The following CTBP2 variants were observed in gnomAD, a reference collection of about 807,000 sequenced individuals.
The protein encoded by CTBP2 is C-terminal binding protein 2.
CTBP2 carries 30 observed loss-of-function variants against 80.3 expected under a neutral mutation model. The ratio of observed to expected loss-of-function variants is 0.37; its 90% CI spans 0.28 to 0.51. The LOEUF is 0.51. CTBP2 is among the 20% of genes least tolerant of loss of function. The pLI is 0.93. For synonymous variants in CTBP2, 594 were observed against 587.4 expected (o/e 1.01, Z -0.16); for missense variants, 1,212 against 1,375.3 (o/e 0.88, Z 1.88).
chr10:125,059,556 A>G (rs1324360525), intron 2 of CTBP2, among the ~76,000 whole-genome samples: 1 of 152,188 alleles, frequency 6.6e-6, no homozygotes, highest in East Asian at 1.9e-4. Flanking sequence ...CACTCCAGCC[A>G]AAAGTGACAT....
At chr10:125,118,186 C>T (rs1853653989) in intron 1 of CTBP2, among the ~76,000 whole-genome samples, 1 of 150,926 alleles carries the variant, frequency 6.6e-6, no homozygotes, top group African/African-American at 2.5e-5. Context: ...TTAATGTGAC[C>T]ATTCCCCTGC....
intron 2 of CTBP2, among the ~76,000 whole-genome samples, chr10:125,107,140 C>T (rs146663862): frequency 6.6e-6 from 1 of 152,338 alleles, no homozygotes; most frequent in African/African-American, 2.4e-5. Flanking sequence ...AGAGCTTCAG[C>T]GGGGGCCCCT....
At chr10:125,150,518 G>A (rs911357292) in intron 1 of CTBP2, among the ~76,000 whole-genome samples, 1 of 152,090 alleles carries the variant, frequency 6.6e-6, no homozygotes, top group African/African-American at 2.4e-5. Flanking sequence ...CCAGTCAAAG[G>A]CCACAAGAAG....
intron 1 of CTBP2, among the ~76,000 whole-genome samples, chr10:125,157,363 C>T (rs1248312545): frequency 2.4e-5 from 3 of 122,974 alleles, no homozygotes; most frequent in Non-Finnish European, 4.7e-5. Flanking sequence ...TATTAAGGTA[C>T]AATTAGAGAG....
chr10:125,123,686 G>A (rs1854719648), intron 1 of CTBP2, among the ~76,000 whole-genome samples: 1 of 152,112 alleles, frequency 6.6e-6, no homozygotes, highest in South Asian at 2.1e-4. Context: ...GCTCCCCAGG[G>A]GCCCCGGGGT....
At chr10:125,053,613 T>C (rs761808693) in intron 2 of CTBP2, among the ~76,000 whole-genome samples, 24 of 152,190 alleles carry the variant, frequency 1.6e-4, no homozygotes, top group Non-Finnish European at 3.4e-4. Flanking sequence ...TAATAGGTTT[T>C]GGTTTTTGGA....
chr10:125,073,620 C>T (rs993060278), intron 2 of CTBP2, among the ~76,000 whole-genome samples: 17 of 152,312 alleles, frequency 1.1e-4, no homozygotes, highest in South Asian at 8.3e-4. Context: ...CCGATTTGTA[C>T]GTGGCAAACA....
intron 2 of CTBP2, among the ~76,000 whole-genome samples, chr10:125,051,262 C>T (rs1962680950): frequency 6.6e-6 from 1 of 152,134 alleles, no homozygotes; most frequent in South Asian, 2.1e-4. Context: ...CCCTGGAGGC[C>T]CACTCCTCAT....
intron 1 of CTBP2, among the ~76,000 whole-genome samples, chr10:125,129,279 A>T (rs1855764438): frequency 6.6e-6 from 1 of 152,048 alleles, no homozygotes; most frequent in East Asian, 1.9e-4. Flanking sequence ...TTCCGGAGTG[A>T]CTGTAGCTCT....
chr10:125,003,430 C>T lies in CTBP2; in HGVS notation c.1741G>A (p.Gly581Ser), dbSNP rs1954808445. The T allele has an allele frequency of 1.3e-6, 2 of 1,584,748 alleles. No homozygotes were observed. Among genetic ancestry groups the T allele is most frequent in the Non-Finnish European group, 1.7e-6 (2 of 1,170,618 alleles). ...GGCATCTCCACAGTGCAGTCGCGGC[C>T]GTCCAGCAGCGCCACCAGGGGGCGG... The change falls in exon 2 of 9, where the codon GGC (glycine) becomes AGC (serine). Residue 581 changes from glycine (G) to serine (S), a missense_variant. Around this residue, in one of 3 missense-constraint regions of CTBP2, gnomAD observed 29 missense variants for 88.3 expected, o/e 0.33. Coordinates refer to ENST00000309035, the MANE Select transcript of CTBP2 (RefSeq NM_022802.3).
chr10:125,045,084 T>C (rs1237657565), intron 2 of CTBP2, among the ~76,000 whole-genome samples: 2 of 152,208 alleles, frequency 1.3e-5, no homozygotes, highest in East Asian at 3.9e-4. Flanking sequence ...TGATTGTATC[T>C]GGGTGCTGGG....
chr10:125,118,946 C>A (rs1339880305), intron 1 of CTBP2, among the ~76,000 whole-genome samples: 1 of 152,214 alleles, frequency 6.6e-6, no homozygotes, highest in Non-Finnish European at 1.5e-5. Context: ...TGGTCAGGAA[C>A]CTGCCAGAAG....
intron 3 of CTBP2, 139 bp from the exon 6 acceptor site, chr10:124,998,309 C>G: frequency 1.1e-6 from 1 of 936,498 alleles, no homozygotes; most frequent in South Asian, 1.6e-5. Context: ...AGACGCGGGG[C>G]TGGGCACGTG....
At chr10:124,996,226 C>G (rs532127594) in intron 4 of CTBP2, 1 of 151,562 alleles carries the variant, frequency 6.6e-6, no homozygotes, top group East Asian at 1.9e-4. Flanking sequence ...ATTTTAAAAG[C>G]GCAGCTCCCA....
chr10:125,053,091 G>GAGA (rs548011187), intron 2 of CTBP2, among the ~76,000 whole-genome samples: 1 of 136,816 alleles, frequency 7.3e-6, no homozygotes, highest in Non-Finnish European at 1.6e-5. Flanking sequence ...CGAAGAGAGA[G>GAGA]AAAAAAAAAG....
chr10:125,025,978 C>T, intron 1 of CTBP2: 1 of 1,400,364 alleles, frequency 7.1e-7, no homozygotes, highest in Non-Finnish European at 9.7e-7. Flanking sequence ...GTGTGTGTGG[C>T]CTGGTGAGTG....
chr10:125,119,123 C>T (rs1853875057), intron 1 of CTBP2, among the ~76,000 whole-genome samples: 1 of 152,156 alleles, frequency 6.6e-6, no homozygotes, highest in African/African-American at 2.4e-5. Flanking sequence ...TAACAAGGGC[C>T]AGACTATATA....
intron 1 of CTBP2, among the ~76,000 whole-genome samples, chr10:125,155,327 C>T (rs1860718678): frequency 6.6e-6 from 1 of 152,190 alleles, no homozygotes; most frequent in South Asian, 2.1e-4. Flanking sequence ...CCTTGGCTCC[C>T]ATGGTCAACA....
chr10:124,994,236 C>T lies in CTBP2; in HGVS notation c.2400+233G>A, dbSNP rs541292331. ...CGAGCTGCTGGCCTCTTTAAAGGTT[C>T]TGGGAAGCTTCTGAAGCTGGGTCCT... On this transcript the variant is annotated intron_variant, in intron 5 of 8. Coordinates refer to ENST00000309035, the MANE Select transcript of CTBP2 (RefSeq NM_022802.3). Among the ~76,000 whole-genome samples the T allele has an allele frequency of 2.6e-5, 4 of 152,356 alleles. 1 individual carries two copies. The South Asian group carries it at 8.3e-4, about 32-fold the overall frequency.
Sources: gnomAD v4.1 joint callset for allele counts (sites outside exome capture counted in the v4.1 genomes callset) on GRCh38, gnomAD v4.1.1 for gene constraint, gnomAD v4.1.1 regional missense constraint, MANE v1.5 for transcripts, NCBI Gene and HGNC (gene_info 2026-07-23, HGNC 2026-07-21) for gene names.